Variants in CLASP1 observed in about 807,000 individuals in gnomAD.
The protein encoded by CLASP1 is CLIP-associating protein 1.
A neutral mutation model predicts 192.3 loss-of-function variants in CLASP1; 38 were observed. That is an observed-to-expected ratio of 0.20 (90% CI 0.15 to 0.26). The LOEUF (loss-of-function observed/expected upper bound fraction) is 0.26. CLASP1 is among the 10% of genes least tolerant of loss of function. The pLI is 1.00. For missense variants in CLASP1, 1,433 were observed against 1,932.5 expected (o/e 0.74, Z 4.85); for synonymous variants, 691 against 712.8 (o/e 0.97, Z 0.49).
intron 22 of CLASP1, among the ~76,000 whole-genome samples, chr2:121,423,838 A>T (rs758678796): frequency 1.2e-4 from 19 of 152,240 alleles, no homozygotes; most frequent in Admixed American, 6.5e-4. Flanking sequence ...ATAGGATTTC[A>T]AATCAAATCT....
chr2:121,624,942 A>G (rs1576560406), intron 1 of CLASP1, among the ~76,000 whole-genome samples: 1 of 152,128 alleles, frequency 6.6e-6, no homozygotes, highest in African/African-American at 2.4e-5. Flanking sequence ...CAGTGTGTGT[A>G]GTTTAATTTT....
chr2:121,395,889 C>T (rs891439495), intron 30 of CLASP1, among the ~76,000 whole-genome samples: 3 of 152,170 alleles, frequency 2.0e-5, no homozygotes, highest in South Asian at 2.1e-4. Flanking sequence ...AGGAGCAACA[C>T]TCCGTAGCAA....
In CLASP1 at chr2:121,447,517, TA is replaced by T. The variant is rs1406568594; in HGVS notation, c.1742-11del. 6.5e-7 allele frequency: 1 copy of T among 1,547,150 alleles called. No homozygotes were observed. Among genetic ancestry groups the T allele is most frequent in the Non-Finnish European group, 8.7e-7 (1 of 1,143,724 alleles). On this transcript the variant is annotated splice_polypyrimidine_tract_variant and intron_variant, in intron 18 of 39. Coordinates refer to ENST00000263710, the Ensembl canonical transcript of CLASP1. ...GTACTAACTGTAGAAGCTTTAGTGA[TA>T]AAGGAGGAAATATGAATAAGGACTA...
chr2:121,344,783 T>A (rs1573516647), intron 39 of CLASP1, among the ~76,000 whole-genome samples: 2 of 152,110 alleles, frequency 1.3e-5, no homozygotes, highest in African/African-American at 4.8e-5. Flanking sequence ...ACCATCTGGT[T>A]GAGGAAGGGA....
intron 2 of CLASP1, among the ~76,000 whole-genome samples, chr2:121,563,525 ATT>A (rs2059268351): frequency 6.6e-6 from 1 of 152,234 alleles, no homozygotes. Context: ...GAATTCTCTT[ATT>A]AAAAAATATG....
chr2:121,355,953 T>C (rs1478163376), intron 37 of CLASP1, among the ~76,000 whole-genome samples: 9 of 152,250 alleles, frequency 5.9e-5, no homozygotes, highest in Admixed American at 4.6e-4. Context: ...GAAGTAATAG[T>C]GTCTAGCTAA....
intron 2 of CLASP1, among the ~76,000 whole-genome samples, chr2:121,538,515 T>C (rs772372372): frequency 5.3e-5 from 8 of 151,486 alleles, no homozygotes; most frequent in Non-Finnish European, 1.2e-4. Context: ...GCGCTAGGCA[T>C]GGTGGCTCAT....
At chr2:121,528,432 A>G (rs1427582302) in intron 4 of CLASP1, among the ~76,000 whole-genome samples, 1 of 152,264 alleles carries the variant, frequency 6.6e-6, no homozygotes, top group Non-Finnish European at 1.5e-5. Flanking sequence ...CTAATGGATT[A>G]AAACTAAGTA....
intron 2 of CLASP1, among the ~76,000 whole-genome samples, chr2:121,602,186 AAG>A (rs1203393216): frequency 2.0e-5 from 3 of 146,822 alleles, no homozygotes; most frequent in Admixed American, 6.8e-5. Context: ...AAAAAAAAAA[AAG>A]AAGAAGAAGA....
intron 7 of CLASP1, among the ~76,000 whole-genome samples, chr2:121,506,621 G>A (rs1051179730): frequency 6.6e-6 from 1 of 152,114 alleles, no homozygotes; most frequent in African/African-American, 2.4e-5. Flanking sequence ...CACAGGCCCA[G>A]GAAAGACCCC....
intron 32 of CLASP1, among the ~76,000 whole-genome samples, chr2:121,383,375 T>C (rs570327258): frequency 6.6e-6 from 1 of 152,324 alleles, no homozygotes; most frequent in East Asian, 1.9e-4. Context: ...AAAGACACAC[T>C]GGTCTCTGTG....
At position 121,365,282 on chromosome 2, in the gene CLASP1, G is replaced by A. The variant is rs781422549; in HGVS notation, c.3889C>T (p.Pro1297Ser). Residue 1297 changes from proline to serine, a missense_variant and splice_region_variant, in exon 36 of 40, where the codon CCC (proline) becomes TCC (serine). By Grantham distance (74) the Pro-to-Ser change is moderately conservative. Around this residue, in one of 8 missense-constraint regions of CLASP1, gnomAD observed 336 missense variants for 358.0 expected, o/e 0.94. Transcript: ENST00000263710. ...GCCACCAGGTCAGAATGGTCGATGG[G>A]CACTGGTGAAACACACCAGACATAC... is the stretch of plus-strand genomic sequence containing the variant. 8.7e-6 allele frequency: 14 copies of A among 1,611,710 alleles called. No individual in the cohort carries two copies. In the East Asian group the frequency reaches 2.9e-4, roughly 33 times the overall value.
chr2:121,571,341 AG>A (rs1312833605), intron 2 of CLASP1, among the ~76,000 whole-genome samples: 1 of 151,916 alleles, frequency 6.6e-6, no homozygotes, highest in African/African-American at 2.4e-5. Flanking sequence ...ATGCCCAGCT[AG>A]TTTTTTGATT....
chr2:121,360,272 G>A (rs2066127036), intron 37 of CLASP1, among the ~76,000 whole-genome samples: 1 of 152,164 alleles, frequency 6.6e-6, no homozygotes, highest in African/African-American at 2.4e-5. Flanking sequence ...TATTGAGAAC[G>A]AAGCTCCAAG....
chr2:121,514,447 T>G (rs958448134), intron 7 of CLASP1, among the ~76,000 whole-genome samples: 5 of 151,998 alleles, frequency 3.3e-5, no homozygotes, highest in African/African-American at 1.2e-4. Flanking sequence ...TTTTTCCTCC[T>G]GTGTTCTCAC....
At chr2:121,535,303 TTAAA>T (rs1354163993) in intron 2 of CLASP1, among the ~76,000 whole-genome samples, 2 of 152,062 alleles carry the variant, frequency 1.3e-5, no homozygotes, top group African/African-American at 4.8e-5. Context: ...ATTAATTAAA[TTAAA>T]TAACCAGTCT....
intron 37 of CLASP1, among the ~76,000 whole-genome samples, chr2:121,357,850 C>A (rs968281049): frequency 1.3e-5 from 2 of 152,200 alleles, no homozygotes; most frequent in Admixed American, 6.5e-5. Context: ...GCCCATGCCC[C>A]CTCCCTTGGC....
intron 3 of CLASP1, 138 bp from the exon 4 acceptor site, chr2:121,528,918 G>C (rs955811186): frequency 1.0e-5 from 7 of 696,742 alleles, no homozygotes; most frequent in African/African-American, 5.3e-5. Context: ...ACTCATCTTT[G>C]CTCACAGCTC....
intron 2 of CLASP1, among the ~76,000 whole-genome samples, chr2:121,597,130 C>T (rs2063232049): frequency 6.6e-6 from 1 of 152,160 alleles, no homozygotes; most frequent in Admixed American, 6.5e-5. Context: ...CTGGTTGTTG[C>T]ATAAGGACTT....
Sources: allele counts gnomAD v4.1 joint callset (sites outside exome capture counted in the v4.1 genomes callset), GRCh38; gene constraint gnomAD v4.1.1; regional missense constraint gnomAD v4.1.1; transcripts MANE v1.5; gene names NCBI Gene and HGNC (gene_info 2026-07-23, HGNC 2026-07-21).